The following FHIT variants were observed in gnomAD, a reference collection of about 807,000 sequenced individuals.
FHIT encodes fragile histidine triad diadenosine triphosphatase, also known as bis(5'-adenosyl)-triphosphatase.
FHIT carries 19 observed loss-of-function variants against 17.9 expected under a neutral mutation model. The observed-to-expected ratio is 1.06, with a 90% CI of 0.74 to 1.56. The LOEUF (loss-of-function observed/expected upper bound fraction) is 1.56. FHIT is among the 40% of genes most tolerant of loss of function. The probability of loss-of-function intolerance (pLI) is 0.00; values close to 1 mark genes in which losing one functional copy is unlikely to be tolerated. For missense variants in FHIT, 248 were observed against 189.2 expected (o/e 1.31, Z -1.82); for synonymous variants, 81 against 69.7 (o/e 1.16, Z -0.81).
chr3:60,685,666 C>G (rs954064177), intron 4 of FHIT, among the ~76,000 whole-genome samples: 5 of 152,136 alleles, frequency 3.3e-5, no homozygotes, highest in African/African-American at 9.7e-5. Flanking sequence ...ACCAGGAATT[C>G]AATCCAACCT....
chr3:59,808,030 G>C (rs1700270363), intron 8 of FHIT, among the ~76,000 whole-genome samples: 1 of 152,116 alleles, frequency 6.6e-6, no homozygotes, highest in Non-Finnish European at 1.5e-5. Context: ...CCTAGTTTCA[G>C]AACATTTTCA....
intron 4 of FHIT, among the ~76,000 whole-genome samples, chr3:60,674,647 C>G (rs2040580997): frequency 6.6e-6 from 1 of 152,172 alleles, no homozygotes; most frequent in South Asian, 2.1e-4. Context: ...TGGTAGTGTA[C>G]AGGTCTCACT....
chr3:61,164,625 G>A (rs1009857571), intron 2 of FHIT, among the ~76,000 whole-genome samples: 1 of 36,166 alleles, frequency 2.8e-5, no homozygotes, highest in Non-Finnish European at 5.5e-5. Context: ...CAGAAATGTG[G>A]TAAGAATTTT....
At chr3:60,195,816 G>A (rs992832656) in intron 5 of FHIT, among the ~76,000 whole-genome samples, 4 of 142,728 alleles carry the variant, frequency 2.8e-5, no homozygotes, top group Non-Finnish European at 6.0e-5. Flanking sequence ...ACACAGAGGA[G>A]CTAAGCTATG....
intron 4 of FHIT, among the ~76,000 whole-genome samples, chr3:60,559,703 T>C (rs2036865012): frequency 6.6e-6 from 1 of 152,068 alleles, no homozygotes; most frequent in Admixed American, 6.6e-5. Flanking sequence ...AGCATATGTA[T>C]CTCTGGGCTC....
intron 2 of FHIT, among the ~76,000 whole-genome samples, chr3:61,054,284 G>A (rs2034136255): frequency 6.6e-6 from 1 of 152,230 alleles, no homozygotes; most frequent in South Asian, 2.1e-4. Context: ...GGCTGAACAG[G>A]TGTAATTCAG....
intron 5 of FHIT, among the ~76,000 whole-genome samples, chr3:60,351,188 T>C (rs1318752380): frequency 3.3e-5 from 5 of 152,220 alleles, no homozygotes; most frequent in South Asian, 2.1e-4. Flanking sequence ...ATTTGTTATA[T>C]AGCGACAGCA....
intron 5 of FHIT, among the ~76,000 whole-genome samples, chr3:60,044,100 A>T (rs1346632361): frequency 6.6e-6 from 1 of 152,172 alleles, no homozygotes; most frequent in African/African-American, 2.4e-5. Context: ...TTCTGCTGAA[A>T]AGTTCATTCC....
chr3:60,155,613 G>A (rs1343164384), intron 5 of FHIT, among the ~76,000 whole-genome samples: 4 of 152,154 alleles, frequency 2.6e-5, no homozygotes, highest in Admixed American at 2.0e-4. Flanking sequence ...AAGCAAGGCT[G>A]GGCCATCAAA....
chr3:61,047,669 G>A (rs2033856948), intron 2 of FHIT, among the ~76,000 whole-genome samples: 1 of 152,130 alleles, frequency 6.6e-6, no homozygotes, highest in Non-Finnish European at 1.5e-5. Context: ...AGCCCACATT[G>A]CTAAGTCAAT....
chr3:60,570,749 A>AAAC (rs1553655336), intron 4 of FHIT, among the ~76,000 whole-genome samples: 1 of 151,062 alleles, frequency 6.6e-6, no homozygotes, highest in African/African-American at 2.4e-5. Context: ...AAAAAAAAAA[A>AAAC]AAAAAACTAT....
intron 2 of FHIT, among the ~76,000 whole-genome samples, chr3:61,063,050 G>C (rs2034481971): frequency 6.6e-6 from 1 of 151,954 alleles, no homozygotes; most frequent in Non-Finnish European, 1.5e-5. Context: ...ACGAGGTCAG[G>C]AGATCGAGAC....
In FHIT at chr3:60,019,415, C is replaced by CTTTTTTTTTTTTTTTTTTTTTT. The variant is rs1281567026; in HGVS notation, c.104-5264_104-5263insAAAAAAAAAAAAAAAAAAAAAA. ...ATGGCATTTTAGAGTTGAGATGCTCCTTTTTTTTTTTTTTTTTCCTGAGAT... is the reference window on the plus strand; with the variant it reads ...ATGGCATTTTAGAGTTGAGATGCTCCTTTTTTTTTTTTTTTTTTTTTTTTTTTTTTTTTTTTTTTCCTGAGAT... On this transcript the variant is annotated intron_variant, in intron 5 of 9. Transcript: ENST00000492590. 2.4e-4 allele frequency among the ~76,000 whole-genome samples: 29 copies of CTTTTTTTTTTTTTTTTTTTTTT among 121,086 alleles called. 2 individuals carry two copies. The highest frequency in any genetic ancestry group is 1.5e-3 in the South Asian group (5 of 3,270). 79.4% of individuals were successfully genotyped at this position (121,086 alleles called of 152,430 possible). A position where few individuals can be genotyped will look rare whatever the true frequency, so the allele number is the denominator to read the frequency against.
At chr3:60,006,731 A>G (rs1699940044) in intron 7 of FHIT, among the ~76,000 whole-genome samples, 1 of 152,108 alleles carries the variant, frequency 6.6e-6, no homozygotes, top group South Asian at 2.1e-4. Context: ...GGAAGTTAAT[A>G]TGGCTAATAT....
intron 4 of FHIT, among the ~76,000 whole-genome samples, chr3:60,570,743 A>AAT (rs1391361792): frequency 6.6e-6 from 1 of 150,894 alleles, no homozygotes; most frequent in Non-Finnish European, 1.5e-5. Flanking sequence ...AAATTAAAAA[A>AAT]AAAAAAAAAA....
At chr3:61,042,854 T>A (rs369960346) in intron 2 of FHIT, among the ~76,000 whole-genome samples, 3 of 148,734 alleles carry the variant, frequency 2.0e-5, no homozygotes, top group Non-Finnish European at 3.0e-5. Flanking sequence ...AAAAAAAAAA[T>A]TAAACACTTT....
At chr3:60,134,180 T>C (rs1249820846) in intron 5 of FHIT, among the ~76,000 whole-genome samples, 1 of 152,144 alleles carries the variant, frequency 6.6e-6, no homozygotes, top group African/African-American at 2.4e-5. Context: ...AGTTTAAACA[T>C]AAGTAATTGC....
intron 7 of FHIT, among the ~76,000 whole-genome samples, chr3:60,003,212 C>T (rs1379108656): frequency 6.6e-6 from 1 of 152,122 alleles, no homozygotes; most frequent in Non-Finnish European, 1.5e-5. Flanking sequence ...GCACTGCTTC[C>T]CCTCACTATC....
chr3:60,774,241 A>G (rs1386717528), intron 4 of FHIT, among the ~76,000 whole-genome samples: 1 of 152,186 alleles, frequency 6.6e-6, no homozygotes, highest in African/African-American at 2.4e-5. Context: ...AATCCTGTAT[A>G]GTCCTAAACC....
Sources: allele counts gnomAD v4.1 joint callset (sites outside exome capture counted in the v4.1 genomes callset), GRCh38; gene constraint gnomAD v4.1.1; transcripts MANE v1.5; gene names NCBI Gene and HGNC (gene_info 2026-07-23, HGNC 2026-07-21).